Variants in KCNQ1 observed in about 807,000 individuals in gnomAD.
The protein encoded by KCNQ1 is potassium voltage-gated channel subfamily Q member 1.
In KCNQ1, 49 loss-of-function variants were observed where a neutral mutation model predicts 72.4. The ratio of observed to expected loss-of-function variants is 0.68; its 90% confidence interval spans 0.54 to 0.86. KCNQ1 has a LOEUF of 0.86. KCNQ1 is among the 40% of genes least tolerant of loss of function. The probability of loss-of-function intolerance (pLI) is 0.00; values close to 1 mark genes in which losing one functional copy is unlikely to be tolerated. For synonymous variants in KCNQ1, 450 were observed against 412.6 expected, an observed-to-expected ratio of 1.09 and a Z score of -1.10; for missense variants, 790 against 945.1, an observed-to-expected ratio of 0.84 and a Z score of 2.15.
chr11:2,591,569 C>T (rs561503802), intron 10 of KCNQ1, among the ~76,000 whole-genome samples: 126 of 152,308 alleles, frequency 8.3e-4, no homozygotes, highest in African/African-American at 1.4e-3. Context: ...TGGGCGTGGC[C>T]GGGGGCTGGG....
At position 2,674,297 on chromosome 11, in the gene KCNQ1, G is replaced by C; in HGVS notation, c.1514+12216G>C. 1 of 398,636 alleles carries C rather than the reference G, an allele frequency of 2.5e-6. No individual in the cohort carries two copies. The highest frequency in any genetic ancestry group is 4.4e-5 in the Admixed American group (1 of 22,740). The allele number at this position is 398,636 out of a possible 1,614,324, so 24.7% of individuals were successfully genotyped here. On this transcript the variant is annotated intron_variant, in intron 11 of 15. Coordinates refer to ENST00000155840, the MANE Select transcript of KCNQ1 (RefSeq NM_000218.3). This position sits in a 1 kb window ranked among gnomAD's most constrained non-coding sequence, Gnocchi z 5.9. ...ACACACTAGGACCTTTCTTCATCAT[G>C]CAGCCGTAGAGCTGGAGGCCAAGGA...
intron 15 of KCNQ1, among the ~76,000 whole-genome samples, chr11:2,825,175 G>GGA: frequency 7.2e-6 from 1 of 139,130 alleles, no homozygotes; most frequent in Admixed American, 7.6e-5. Flanking sequence ...TTTCCCTGCG[G>GGA]CGGGACTGGG....
At position 2,603,308 on chromosome 11, in the gene KCNQ1, C is replaced by T. The variant is rs1328030581; in HGVS notation, c.1393+14454C>T. On this transcript the variant is annotated intron_variant, in intron 10 of 15. Transcript: ENST00000155840. The surrounding 1 kb of genome is among the most constrained non-coding windows in gnomAD (Gnocchi z 4.1). ...CACTTTATTGCTAAAAAATGCTGAC[C>T]CAGAATGAAGTGAGCACATGTTGTT... is the stretch of plus-strand genomic sequence containing the variant. Among the ~76,000 whole-genome samples, 3 of 152,076 alleles carry T rather than the reference C, an allele frequency of 2.0e-5. No individual in the cohort carries two copies. The highest frequency in any genetic ancestry group is 4.4e-5 in the Non-Finnish European group (3 of 68,022).
At position 2,769,622 on chromosome 11, in the gene KCNQ1, G is replaced by C. The variant is rs1048243620; in HGVS notation, c.1590+703G>C. 3.3e-5 allele frequency among the ~76,000 whole-genome samples: 5 copies of C among 152,186 alleles called. No homozygotes were observed. Among genetic ancestry groups the C allele is most frequent in the African/African-American group, 4.8e-5 (2 of 41,446 alleles). On this transcript the variant is annotated intron_variant, in intron 12 of 15. Coordinates refer to ENST00000155840, the MANE Select transcript of KCNQ1 (RefSeq NM_000218.3). The surrounding 1 kb of genome is among the most constrained non-coding windows in gnomAD (Gnocchi z 4.6). ...ACATTCCTCGGATGAAGGCGGTGGTGGGGGGTACTGAGTCCTGGCTTGGAA... is the reference window on the plus strand; with the variant it reads ...ACATTCCTCGGATGAAGGCGGTGGTCGGGGGTACTGAGTCCTGGCTTGGAA...
intron 11 of KCNQ1, among the ~76,000 whole-genome samples, chr11:2,716,465 C>T (rs933568525): frequency 1.3e-5 from 2 of 152,118 alleles, no homozygotes; most frequent in African/African-American, 2.4e-5. Flanking sequence ...GCTGGGTGTC[C>T]TTTCTCAGCA....
chr11:2,680,995 G>C, intron 11 of KCNQ1: 1 of 398,468 alleles, frequency 2.5e-6, no homozygotes, highest in Non-Finnish European at 4.4e-6. Context: ...AGGTGAAATA[G>C]GTATGTGTTC....
chr11:2,697,945 T>C, intron 11 of KCNQ1: 1 of 398,656 alleles, frequency 2.5e-6, no homozygotes, highest in Non-Finnish European at 4.4e-6. Context: ...AGGAAACACA[T>C]TAAAATACAC....
rs1228607868 is a variant in KCNQ1 at position 2,613,583 on chromosome 11, A to T, written c.1393+24729A>T. 1 of 398,448 alleles carries T rather than the reference A, an allele frequency of 2.5e-6. No homozygotes were observed. Among genetic ancestry groups the T allele is most frequent in the Non-Finnish European group, 4.4e-6 (1 of 226,062 alleles). The allele number at this position is 398,448 out of a possible 1,614,324, so 24.7% of individuals were successfully genotyped here. On this transcript the variant is annotated intron_variant, in intron 10 of 15. Transcript: ENST00000155840. The surrounding 1 kb of genome is among the most constrained non-coding windows in gnomAD (Gnocchi z 4.8). ...AAGGCTTAATATTTTTTCTTTAATT[A>T]GCACTTTTCAATTTTATATTTCTTT... is the stretch of plus-strand genomic sequence containing the variant.
chr11:2,591,006 G>A (rs181146260), intron 10 of KCNQ1, among the ~76,000 whole-genome samples: 71 of 152,328 alleles, frequency 4.7e-4, no homozygotes, highest in Non-Finnish European at 7.9e-4. Flanking sequence ...CTCAGCAGCC[G>A]TCCCTTTACC....
intron 1 of KCNQ1, among the ~76,000 whole-genome samples, chr11:2,474,763 G>A (rs1846546615): frequency 1.3e-5 from 1 of 74,152 alleles, no homozygotes; most frequent in Non-Finnish European, 3.8e-5. Context: ...GTGGGACTAG[G>A]TTAAGGCGAG....
At position 2,658,899 on chromosome 11, in the gene KCNQ1, T is replaced by C; in HGVS notation, c.1394-3062T>C. 1 of 398,604 alleles carries C rather than the reference T, an allele frequency of 2.5e-6. No individual in the cohort carries two copies. Among genetic ancestry groups the C allele is most frequent in the East Asian group, 3.6e-5 (1 of 28,080 alleles). 24.7% of individuals were successfully genotyped at this position (398,604 alleles called of 1,614,324 possible). A position where few individuals can be genotyped will look rare whatever the true frequency, so the allele number is the denominator to read the frequency against. ...TATTTGTGTAACCCTATTGTACACGTAGTACCCTATGTGAAGCAAATTTAC... is the reference window on the plus strand; with the variant it reads ...TATTTGTGTAACCCTATTGTACACGCAGTACCCTATGTGAAGCAAATTTAC... On this transcript the variant is annotated intron_variant, in intron 10 of 15. Transcript: ENST00000155840. This position sits in a 1 kb window ranked among gnomAD's most constrained non-coding sequence, Gnocchi z 4.9.
chr11:2,531,152 A>C (rs2522006), intron 2 of KCNQ1, among the ~76,000 whole-genome samples: 95,263 of 147,648 alleles, frequency 0.65, 32,412 homozygotes, highest in Non-Finnish European at 0.74. Flanking sequence ...CCCAGGCTGG[A>C]CCTGCAGGGA....
intron 15 of KCNQ1, among the ~76,000 whole-genome samples, chr11:2,795,999 T>G (rs901648582): frequency 6.6e-6 from 1 of 151,980 alleles, no homozygotes; most frequent in Admixed American, 6.5e-5. Context: ...CTTTGTGTTT[T>G]TCCACATCTG....
At chr11:2,583,332 T>A in intron 6 of KCNQ1, 103 bp from the exon 7 acceptor site, 1 of 830,092 alleles carries the variant, frequency 1.2e-6, no homozygotes. Flanking sequence ...CAGGGTCTCT[T>A]GCCGGCCTCT....
rs1262495267 is a variant in KCNQ1, at chr11:2,565,632, C to T, written c.478-4996C>T. On this transcript the variant is annotated intron_variant, in intron 2 of 15. Coordinates refer to ENST00000155840, the MANE Select transcript of KCNQ1 (RefSeq NM_000218.3). The surrounding 1 kb of genome is among the most constrained non-coding windows in gnomAD (Gnocchi z 5.6). ...CTGACTTGTGGCCAGGGGAAAGACC[C>T]GTGGCCTATCTTGTTTTGGGGGGCA... 1.3e-5 allele frequency among the ~76,000 whole-genome samples: 2 copies of T among 152,150 alleles called. No homozygotes were observed. Among genetic ancestry groups the T allele is most frequent in the East Asian group, 1.9e-4 (1 of 5,196 alleles).
At chr11:2,619,673 G>A (rs894237177) in intron 10 of KCNQ1, 10 of 396,860 alleles carry the variant, frequency 2.5e-5, no homozygotes, top group African/African-American at 2.1e-4. Context: ...GGTGATGCTG[G>A]CCTCATAAAA....
chr11:2,800,634 A>G (rs1847243893), intron 15 of KCNQ1, among the ~76,000 whole-genome samples: 1 of 152,194 alleles, frequency 6.6e-6, no homozygotes, highest in African/African-American at 2.4e-5. Flanking sequence ...CCAAGCTTGA[A>G]GTGGAAAGGG....
At chr11:2,571,803 G>A (rs535612825) in intron 4 of KCNQ1, among the ~76,000 whole-genome samples, 1 of 152,288 alleles carries the variant, frequency 6.6e-6, no homozygotes, top group East Asian at 1.9e-4. Context: ...GCCCTGTGTG[G>A]GCAGATTCAG....
chr11:2,662,091 T>C lies in KCNQ1; in HGVS notation c.1514+10T>C, dbSNP rs2133856285. ...TCACCCACATCTCACAGTGAGTGCC[T>C]ACATGTGCGTGAAGGGCTGGGCTGG... On this transcript the variant is annotated intron_variant, in intron 11 of 15. Coordinates refer to ENST00000155840, the MANE Select transcript of KCNQ1 (RefSeq NM_000218.3). 3.1e-6 allele frequency: 5 copies of C among 1,614,114 alleles called. No homozygotes were observed. Among genetic ancestry groups the C allele is most frequent in the Non-Finnish European group, 3.4e-6 (4 of 1,180,014 alleles).
Sources: gnomAD v4.1 joint callset for allele counts (sites outside exome capture counted in the v4.1 genomes callset) on GRCh38, gnomAD v4.1.1 for gene constraint, Gnocchi (gnomAD v3.1) non-coding constraint, MANE v1.5 for transcripts, NCBI Gene and HGNC (gene_info 2026-07-23, HGNC 2026-07-21) for gene names.